Variants in CCNH observed in about 807,000 individuals in gnomAD.
The protein encoded by CCNH is cyclin H.
Under a neutral mutation model 41.9 loss-of-function variants are expected in CCNH, and 31 were observed. The observed-to-expected ratio is 0.74, with a 90% CI of 0.56 to 1.00. The LOEUF (loss-of-function observed/expected upper bound fraction) is 1.00, where lower values mean the gene tolerates loss of function less well. Ranked by LOEUF, CCNH falls within the 50% of genes least tolerant of loss-of-function variation. The probability of loss-of-function intolerance (pLI) is 0.00; values close to 1 mark genes in which losing one functional copy is unlikely to be tolerated. For synonymous variants in CCNH, 138 were observed against 136.1 expected (o/e 1.01, Z -0.10); for missense variants, 362 against 388.4 (o/e 0.93, Z 0.57).
intron 9 of CCNH, chr5:87,330,924 T>A: frequency 7.2e-7 from 1 of 1,393,174 alleles, no homozygotes; most frequent in Middle Eastern, 2.0e-4. Flanking sequence ...ATAAAACATT[T>A]TATATTCTCA....
At chr5:87,394,120 G>T (rs1363921749), downstream of CCNH, 4 of 354,266 alleles carry the variant, frequency 1.1e-5, no homozygotes, top group Non-Finnish European at 8.4e-6. Context: ...TTTTAAAGCT[G>T]GCTACTAAGT....
chr5:87,336,389 T>G (rs996154644), intron 9 of CCNH, among the ~76,000 whole-genome samples: 3 of 152,102 alleles, frequency 2.0e-5, no homozygotes, highest in African/African-American at 7.2e-5. Context: ...AAATAGCTGA[T>G]CTAGGAAGAT....
At chr5:87,327,873 G>A (rs534064978) in intron 9 of CCNH, among the ~76,000 whole-genome samples, 1 of 151,898 alleles carries the variant, frequency 6.6e-6, no homozygotes, top group Non-Finnish European at 1.5e-5. Context: ...GCAGAGACAG[G>A]AGAATCACTT....
downstream of CCNH, among the ~76,000 whole-genome samples, chr5:87,316,885 ATTT>A (rs769140137): frequency 7.0e-6 from 1 of 143,402 alleles, no homozygotes; most frequent in Non-Finnish European, 1.5e-5. Flanking sequence ...TGGATACCAC[ATTT>A]TTTTTTTTTT....
chr5:87,338,536 A>ATATATATATATTTTTTTTTTTTTTTT, intron 9 of CCNH, among the ~76,000 whole-genome samples: 1 of 85,214 alleles, frequency 1.2e-5, no homozygotes, highest in African/African-American at 4.4e-5. Flanking sequence ...TATATATAAA[A>ATATATATATATTTTTTTTTTTTTTTT]TTTTTTTTTT....
chr5:87,315,498 G>T (rs1046386420), downstream of CCNH, among the ~76,000 whole-genome samples: 1 of 152,204 alleles, frequency 6.6e-6, no homozygotes, highest in African/African-American at 2.4e-5. Context: ...TGAATTTGGG[G>T]ATTAAGTTTC....
chr5:87,402,635 T>TA (rs1450305909), intron 5 of CCNH, among the ~76,000 whole-genome samples: 1 of 152,214 alleles, frequency 6.6e-6, no homozygotes, highest in South Asian at 2.1e-4. Context: ...AATTTTATTA[T>TA]AAAGTTTGGT....
Position 87,409,380 on chromosome 5 carries a change from AT to A in CCNH, c.241-18del, listed in dbSNP as rs2112580852. ...AGCCGTACCCTAAGGGTTAAAAAAAATATATCATCAGGATCTAGTCACAAAT... is the reference window on the plus strand; with the variant it reads ...AGCCGTACCCTAAGGGTTAAAAAAAAATATCATCAGGATCTAGTCACAAAT... On this transcript the variant is annotated intron_variant, in intron 2 of 8. Transcript: ENST00000256897. 7.4e-7 allele frequency: 1 copy of A among 1,344,910 alleles called. No homozygotes were observed. Among genetic ancestry groups the A allele is most frequent in the Admixed American group, 1.8e-5 (1 of 55,124 alleles). The allele number at this position is 1,344,910 out of a possible 1,614,324, so 83.3% of individuals were successfully genotyped here.
At chr5:87,411,712 GGTCA>G (rs1459617459) in intron 1 of CCNH, among the ~76,000 whole-genome samples, 3 of 151,790 alleles carry the variant, frequency 2.0e-5, no homozygotes, top group African/African-American at 7.3e-5. Flanking sequence ...TCCGTTTCTC[GGTCA>G]GTCATTACGT....
chr5:87,370,349 C>T (rs929929846), intron 9 of CCNH, among the ~76,000 whole-genome samples: 1 of 152,184 alleles, frequency 6.6e-6, no homozygotes, highest in African/African-American at 2.4e-5. Flanking sequence ...TAAGCCAAGT[C>T]GAGATATAAT....
chr5:87,370,309 C>T (rs1246868757), intron 9 of CCNH, among the ~76,000 whole-genome samples: 2 of 152,122 alleles, frequency 1.3e-5, no homozygotes, highest in Non-Finnish European at 2.9e-5. Flanking sequence ...TCAGTCAACA[C>T]AAGGAAAGAT....
intron 9 of CCNH, chr5:87,362,458 A>T (rs2112455753): frequency 7.8e-7 from 1 of 1,276,338 alleles, no homozygotes; most frequent in Non-Finnish European, 1.1e-6. Flanking sequence ...TTAGTATTTT[A>T]AGCGCTTTGG....
chr5:87,386,944 G>C (rs1323168568), downstream of CCNH: 1 of 1,503,144 alleles, frequency 6.7e-7, no homozygotes, highest in South Asian at 1.1e-5. Context: ...AAGACTTCTA[G>C]TTGATATAGC....
chr5:87,321,399 C>T (rs1279583286), intron 9 of CCNH, among the ~76,000 whole-genome samples: 1 of 152,114 alleles, frequency 6.6e-6, no homozygotes, highest in East Asian at 1.9e-4. Flanking sequence ...TGTCAGATTC[C>T]CAACGGCTGA....
At chr5:87,338,635 G>T (rs1318640157) in intron 9 of CCNH, among the ~76,000 whole-genome samples, 1 of 148,880 alleles carries the variant, frequency 6.7e-6, no homozygotes, top group Non-Finnish European at 1.5e-5. Context: ...GCCTCCCAAA[G>T]TACTGGGATG....
At chr5:87,406,753 C>T (rs926743075) in intron 4 of CCNH, among the ~76,000 whole-genome samples, 2 of 152,138 alleles carry the variant, frequency 1.3e-5, no homozygotes, top group African/African-American at 2.4e-5. Context: ...AACCTTCATA[C>T]GAGTGAAGCC....
chr5:87,373,754 T>C (rs182233445), downstream of CCNH, among the ~76,000 whole-genome samples: 12 of 152,276 alleles, frequency 7.9e-5, no homozygotes, highest in Admixed American at 3.3e-4. Context: ...TTTATAGAAA[T>C]AGAATCTTCC....
At chr5:87,351,953 T>G (rs1174052686) in intron 9 of CCNH, among the ~76,000 whole-genome samples, 1 of 151,840 alleles carries the variant, frequency 6.6e-6, no homozygotes, top group East Asian at 1.9e-4. Context: ...TTACTGATTT[T>G]CATAGATTTG....
At position 87,328,349 on chromosome 5, in the gene CCNH, G is replaced by T. The variant is rs563506685; in HGVS notation, c.*91-9452C>A. 1.6e-3 allele frequency among the ~76,000 whole-genome samples: 240 copies of T among 152,100 alleles called. 1 individual carries two copies. Among genetic ancestry groups the T allele is most frequent in the Middle Eastern group, 6.8e-3 (2 of 294 alleles). On this transcript the variant is annotated intron_variant and NMD_transcript_variant, in intron 9 of 9. Transcript: ENST00000645953. The stretch of plus-strand genomic sequence containing the variant: ...TTTTTTTTAAACTTATTTGAAAACG[G>T]TCACCAGCAAATCTACTTTTAAAGA...
Sources: allele counts gnomAD v4.1 joint callset (sites outside exome capture counted in the v4.1 genomes callset), GRCh38; gene constraint gnomAD v4.1.1; transcripts MANE v1.5; gene names NCBI Gene and HGNC (gene_info 2026-07-23, HGNC 2026-07-21).